Variants in RERE observed in about 807,000 individuals in gnomAD.
RERE encodes arginine-glutamic acid dipeptide repeats protein.
Under a neutral mutation model 146.1 loss-of-function variants are expected in RERE, and 40 were observed. That is an observed-to-expected ratio of 0.27 (90% CI 0.21 to 0.36). The LOEUF is 0.36. Ranked by LOEUF, RERE falls within the 10% of genes least tolerant of loss-of-function variation. The pLI, the probability that RERE is intolerant of heterozygous loss-of-function variation, is 1.00. For missense variants in RERE, 1,933 were observed against 2,138.7 expected (o/e 0.90, Z 1.90); for synonymous variants, 1,003 against 866.0 (o/e 1.16, Z -2.78).
rs180833449 is a variant in RERE, at chr1:8,812,190, C to T, written c.-145+4970G>A. 2.6e-5 allele frequency among the ~76,000 whole-genome samples: 4 copies of T among 152,242 alleles called. No homozygotes were observed. The East Asian group carries it at 7.7e-4, about 29-fold the overall frequency. Reference sequence around the variant, plus strand: ...AAAATTAAGATAAAACCCATGGCTTCGACTTCTGATGCAAATACCCAAGAC... The same window carrying T: ...AAAATTAAGATAAAACCCATGGCTTTGACTTCTGATGCAAATACCCAAGAC... On this transcript the variant is annotated intron_variant, in intron 1 of 22. Coordinates refer to ENST00000400908, the MANE Select transcript of RERE (RefSeq NM_001042681.2).
In RERE at chr1:8,803,932, A is replaced by G. The variant is rs541630498; in HGVS notation, c.-145+13228T>C. Among the ~76,000 whole-genome samples the G allele has an allele frequency of 2.2e-4, 33 of 152,186 alleles. 1 individual carries two copies. The highest frequency in any genetic ancestry group is 5.9e-4 in the Admixed American group (9 of 15,272). Reference sequence around the variant, plus strand: ...GACTAAATTCTCACTAAGCTATGCAAACAAAGGTGCTAAACCATTCCAACC... The same window carrying G: ...GACTAAATTCTCACTAAGCTATGCAGACAAAGGTGCTAAACCATTCCAACC... On this transcript the variant is annotated intron_variant, in intron 1 of 22. Coordinates refer to ENST00000400908, the MANE Select transcript of RERE (RefSeq NM_001042681.2).
intron 12 of RERE, among the ~76,000 whole-genome samples, chr1:8,373,905 G>A (rs1474861794): frequency 6.6e-6 from 1 of 152,158 alleles, no homozygotes; most frequent in Non-Finnish European, 1.5e-5. Flanking sequence ...TAACAACTCT[G>A]GTAATTAAAG....
chr1:8,782,648 G>C (rs1641186214), intron 1 of RERE, among the ~76,000 whole-genome samples: 1 of 152,174 alleles, frequency 6.6e-6, no homozygotes, highest in African/African-American at 2.4e-5. Context: ...GCTCACACCT[G>C]TAATCCCAGC....
chr1:8,653,566 G>A (rs1647749125), intron 2 of RERE, among the ~76,000 whole-genome samples: 1 of 151,858 alleles, frequency 6.6e-6, no homozygotes, highest in South Asian at 2.1e-4. Flanking sequence ...GCAGTGGTGG[G>A]CGCCTGTAGT....
At chr1:8,372,102 A>G (rs1212030891) in intron 12 of RERE, among the ~76,000 whole-genome samples, 2 of 152,180 alleles carry the variant, frequency 1.3e-5, no homozygotes, top group African/African-American at 4.8e-5. Context: ...CTTTAGGGGC[A>G]TGGGGGAGTG....
chr1:8,570,364 T>C (rs184085597), intron 4 of RERE, among the ~76,000 whole-genome samples: 2 of 151,898 alleles, frequency 1.3e-5, no homozygotes, highest in Admixed American at 1.3e-4. Context: ...AAAAAATAAA[T>C]TTTTTTGTAA....
intron 2 of RERE, among the ~76,000 whole-genome samples, chr1:8,637,793 A>T (rs1427482638): frequency 1.3e-5 from 2 of 152,206 alleles, no homozygotes; most frequent in Non-Finnish European, 2.9e-5. Context: ...CAATTTCAAA[A>T]CTACAAATTC....
intron 1 of RERE, among the ~76,000 whole-genome samples, chr1:8,746,207 CAA>C: frequency 1.3e-5 from 2 of 152,268 alleles, no homozygotes; most frequent in East Asian, 3.9e-4. Flanking sequence ...TATCTCTGTT[CAA>C]AGAGATTGTA....
intron 7 of RERE, among the ~76,000 whole-genome samples, chr1:8,518,028 G>C (rs778707947): frequency 2.6e-5 from 4 of 152,196 alleles, no homozygotes; most frequent in Admixed American, 1.3e-4. Flanking sequence ...GCTTGGCCCA[G>C]AACATGATGC....
chr1:8,601,165 G>A lies in RERE; in HGVS notation c.522+13396C>T, dbSNP rs1483352502. Among the ~76,000 whole-genome samples the A allele has an allele frequency of 4.6e-5, 7 of 151,362 alleles. No homozygotes were observed. The East Asian group carries it at 9.7e-4, about 21-fold the overall frequency. ...CTCCCAAGTTGCTGGGATTACTAGC[G>A]TGCGCCACCATGCCCGGCTGTTTTG... On this transcript the variant is annotated intron_variant, in intron 4 of 22. Transcript: ENST00000400908.
At chr1:8,689,574 T>C (rs1639162336) in intron 1 of RERE, among the ~76,000 whole-genome samples, 1 of 152,218 alleles carries the variant, frequency 6.6e-6, no homozygotes, top group Non-Finnish European at 1.5e-5. Flanking sequence ...TTCATATTTT[T>C]TCCCTGAGAC....
At chr1:8,553,517 CCAAA>C (rs775791930) in intron 6 of RERE, among the ~76,000 whole-genome samples, 9 of 152,272 alleles carry the variant, frequency 5.9e-5, no homozygotes, top group Non-Finnish European at 1.0e-4. Flanking sequence ...TGTTCAGTGA[CCAAA>C]CAACCACCTG....
At chr1:8,468,213 GTATT>G (rs1644629565) in intron 10 of RERE, among the ~76,000 whole-genome samples, 1 of 151,890 alleles carries the variant, frequency 6.6e-6, no homozygotes, top group Admixed American at 6.6e-5. Flanking sequence ...CAATAAATTC[GTATT>G]TATTATTACC....
At chr1:8,642,401 T>A (rs1279039145) in intron 2 of RERE, among the ~76,000 whole-genome samples, 1 of 152,198 alleles carries the variant, frequency 6.6e-6, no homozygotes, top group African/African-American at 2.4e-5. Context: ...AGATTTGTGG[T>A]CAAGATGAAA....
chr1:8,608,430 G>T (rs1194408543), intron 4 of RERE, among the ~76,000 whole-genome samples: 4 of 152,164 alleles, frequency 2.6e-5, no homozygotes, highest in African/African-American at 9.7e-5. Context: ...CCTGAGCCCA[G>T]GAGGTTGGGG....
At chr1:8,713,406 T>A (rs551270710) in intron 1 of RERE, among the ~76,000 whole-genome samples, 1 of 152,326 alleles carries the variant, frequency 6.6e-6, no homozygotes, top group African/African-American at 2.4e-5. Flanking sequence ...AACAAAATGG[T>A]TGGTCTCTGC....
At position 8,658,672 on chromosome 1, in the gene RERE, G is replaced by A. The variant is rs574628767; in HGVS notation, c.-144-2231C>T. Among the ~76,000 whole-genome samples, 7 of 151,820 alleles carry A rather than the reference G, an allele frequency of 4.6e-5. 1 individual carries two copies. Among genetic ancestry groups the A allele is most frequent in the South Asian group, 4.2e-4 (2 of 4,796 alleles). ...CTCGGGAGGCTGAGTTAGGAGAACC[G>A]CTTGAACCCAGGTGGCAGAGGTTGC... On this transcript the variant is annotated intron_variant, in intron 1 of 22. Coordinates refer to ENST00000400908, the MANE Select transcript of RERE (RefSeq NM_001042681.2).
chr1:8,772,666 GCTA>G (rs1239089812), intron 1 of RERE, among the ~76,000 whole-genome samples: 1 of 152,150 alleles, frequency 6.6e-6, no homozygotes, highest in Non-Finnish European at 1.5e-5. Flanking sequence ...AGTCCCAGCA[GCTA>G]CTCAGGAGGC....
At chr1:8,525,794 G>A (rs765371324) in intron 7 of RERE, 7 of 1,595,882 alleles carry the variant, frequency 4.4e-6, no homozygotes, top group East Asian at 2.3e-5. Context: ...TGACTAACAC[G>A]GGCTCTGGTG....
Sources: allele counts gnomAD v4.1 joint callset (sites outside exome capture counted in the v4.1 genomes callset), GRCh38; gene constraint gnomAD v4.1.1; transcripts MANE v1.5; gene names NCBI Gene and HGNC (gene_info 2026-07-23, HGNC 2026-07-21).